TTC28: variants seen among roughly 807,000 people sequenced by gnomAD.
TTC28 encodes tetratricopeptide repeat domain 28, also known as tetratricopeptide repeat protein 28.
Under a neutral mutation model 198.0 loss-of-function variants are expected in TTC28, and 61 were observed. That is an observed-to-expected ratio of 0.31 (90% CI 0.25 to 0.38). TTC28 has a LOEUF of 0.38. TTC28 is among the 10% of genes least tolerant of loss of function. TTC28 has a pLI of 1.00. For synonymous variants in TTC28, 1,171 were observed against 1,297.8 expected (o/e 0.90, Z 2.10); for missense variants, 2,678 against 3,164.0 (o/e 0.85, Z 3.69).
chr22:28,217,815 A>G (rs1295042680), intron 5 of TTC28, among the ~76,000 whole-genome samples: 1 of 152,226 alleles, frequency 6.6e-6, no homozygotes, highest in East Asian at 1.9e-4. Flanking sequence ...TTAACCCATT[A>G]GAATTACAAA....
At chr22:28,055,706 C>G (rs529887747) in intron 12 of TTC28, among the ~76,000 whole-genome samples, 1 of 152,258 alleles carries the variant, frequency 6.6e-6, no homozygotes, top group African/African-American at 2.4e-5. Flanking sequence ...TAGTAAAGTG[C>G]AGGGCCAAGA....
intron 2 of TTC28, among the ~76,000 whole-genome samples, chr22:28,455,161 C>CA (rs1027734082): frequency 6.6e-6 from 1 of 152,168 alleles, no homozygotes; most frequent in African/African-American, 2.4e-5. Flanking sequence ...TAACATCTAA[C>CA]AAAATCACTG....
At chr22:28,283,382 T>C (rs2145741571) in intron 5 of TTC28, among the ~76,000 whole-genome samples, 1 of 152,100 alleles carries the variant, frequency 6.6e-6, no homozygotes, top group East Asian at 1.9e-4. Context: ...ACGTTAGCAT[T>C]ATTGCAAATT....
At chr22:28,588,915 T>C (rs910165572) in intron 2 of TTC28, among the ~76,000 whole-genome samples, 1 of 152,218 alleles carries the variant, frequency 6.6e-6, no homozygotes, top group African/African-American at 2.4e-5. Flanking sequence ...TCTAACACTG[T>C]TCTTGCCGTT....
chr22:28,309,501 A>T (rs2045211247), intron 2 of TTC28, among the ~76,000 whole-genome samples: 1 of 152,220 alleles, frequency 6.6e-6, no homozygotes, highest in Non-Finnish European at 1.5e-5. Context: ...TGAGATTCAC[A>T]GCTGTTTATC....
chr22:28,372,823 C>G (rs531096966), intron 2 of TTC28, among the ~76,000 whole-genome samples: 2 of 152,270 alleles, frequency 1.3e-5, no homozygotes, highest in Non-Finnish European at 2.9e-5. Context: ...GAGAATGGGG[C>G]CATAAACCAC....
intron 2 of TTC28, among the ~76,000 whole-genome samples, chr22:28,415,379 G>C (rs928526285): frequency 6.6e-6 from 1 of 152,010 alleles, no homozygotes; most frequent in Non-Finnish European, 1.5e-5. Context: ...ACAGATTTAA[G>C]AGAAAAATCA....
intron 2 of TTC28, among the ~76,000 whole-genome samples, chr22:28,589,638 G>A (rs1161437484): frequency 6.6e-6 from 1 of 152,062 alleles, no homozygotes; most frequent in East Asian, 1.9e-4. Context: ...AATTTATTTT[G>A]TCTAAGTTTT....
At chr22:28,272,030 A>T (rs1259073063) in intron 5 of TTC28, among the ~76,000 whole-genome samples, 1 of 152,148 alleles carries the variant, frequency 6.6e-6, no homozygotes, top group Non-Finnish European at 1.5e-5. Context: ...TGTAACTGAG[A>T]GTCCATTAAA....
chr22:28,679,197 A>AC (rs1185274217), intron 1 of TTC28, among the ~76,000 whole-genome samples: 1 of 151,750 alleles, frequency 6.6e-6, no homozygotes, highest in East Asian at 1.9e-4. Flanking sequence ...CACAAACCCC[A>AC]CCCCGGAAAG....
intron 5 of TTC28, among the ~76,000 whole-genome samples, chr22:28,274,428 CCTT>C (rs1932279961): frequency 6.6e-6 from 1 of 152,168 alleles, no homozygotes; most frequent in African/African-American, 2.4e-5. Context: ...TCCAACTACT[CCTT>C]CTTTGGGTTC....
chr22:28,083,718 C>T (rs1941450109), intron 12 of TTC28, among the ~76,000 whole-genome samples: 1 of 152,240 alleles, frequency 6.6e-6, no homozygotes, highest in Middle Eastern at 3.2e-3. Context: ...CGAGGCATCG[C>T]TTCACCAGGG....
chr22:28,407,472 G>GCACGCA (rs2047015885), intron 2 of TTC28, among the ~76,000 whole-genome samples: 1 of 148,646 alleles, frequency 6.7e-6, no homozygotes, highest in Non-Finnish European at 1.5e-5. Flanking sequence ...ACATGCGTGC[G>GCACGCA]CACACACACA....
intron 12 of TTC28, among the ~76,000 whole-genome samples, chr22:28,063,887 C>A (rs1940649409): frequency 6.6e-6 from 1 of 151,996 alleles, no homozygotes; most frequent in African/African-American, 2.4e-5. Flanking sequence ...GCAGGGCGGC[C>A]GAGCAACAGC....
At chr22:28,652,246 C>T (rs979421254) in intron 1 of TTC28, among the ~76,000 whole-genome samples, 1 of 152,014 alleles carries the variant, frequency 6.6e-6, no homozygotes, top group Non-Finnish European at 1.5e-5. Context: ...TTTTATTTAC[C>T]CAGTCTACAG....
intron 2 of TTC28, among the ~76,000 whole-genome samples, chr22:28,459,710 G>GT (rs2047919301): frequency 1.3e-5 from 2 of 152,170 alleles, no homozygotes; most frequent in African/African-American, 4.8e-5. Flanking sequence ...CCTTACCCAA[G>GT]TTTTTTTTAT....
At chr22:28,191,131 C>T (rs1924703596) in intron 5 of TTC28, among the ~76,000 whole-genome samples, 1 of 152,168 alleles carries the variant, frequency 6.6e-6, no homozygotes, top group South Asian at 2.1e-4. Context: ...CACCTCATTT[C>T]CTGCTTCTAG....
intron 6 of TTC28, among the ~76,000 whole-genome samples, chr22:28,162,440 C>T (rs920119458): frequency 6.6e-6 from 1 of 152,216 alleles, no homozygotes; most frequent in Admixed American, 6.5e-5. Context: ...CTGATGACTG[C>T]TTAGCAGCTT....
At chr22:28,500,224 C>T (rs1276779874) in intron 2 of TTC28, among the ~76,000 whole-genome samples, 1 of 152,164 alleles carries the variant, frequency 6.6e-6, no homozygotes, top group African/African-American at 2.4e-5. Flanking sequence ...CACTGATCTA[C>T]TTTCCATCTC....
Sources: gnomAD v4.1 joint callset for allele counts (sites outside exome capture counted in the v4.1 genomes callset) on GRCh38, gnomAD v4.1.1 for gene constraint, MANE v1.5 for transcripts, NCBI Gene and HGNC (gene_info 2026-07-23, HGNC 2026-07-21) for gene names.